DNER: variants seen among roughly 807,000 people sequenced by gnomAD.
DNER encodes delta and Notch-like epidermal growth factor-related receptor.
Under a neutral mutation model 78.2 loss-of-function variants are expected in DNER, and 33 were observed. The ratio of observed to expected loss-of-function variants is 0.42; its 90% CI spans 0.32 to 0.56. The LOEUF (loss-of-function observed/expected upper bound fraction) is 0.56. Ranked by LOEUF, DNER falls within the 20% of genes least tolerant of loss-of-function variation. The pLI is 0.11. For synonymous variants in DNER, 417 were observed against 384.8 expected (o/e 1.08, Z -0.98); for missense variants, 918 against 975.3 (o/e 0.94, Z 0.78).
chr2:229,622,080 C>T (rs549753136), intron 1 of DNER, among the ~76,000 whole-genome samples: 1 of 152,102 alleles, frequency 6.6e-6, no homozygotes, highest in South Asian at 2.1e-4. Flanking sequence ...AGCGAGACTC[C>T]GTCTCAAAAA....
At chr2:229,666,302 G>A (rs796642496) in intron 1 of DNER, among the ~76,000 whole-genome samples, 4 of 152,198 alleles carry the variant, frequency 2.6e-5, no homozygotes, top group African/African-American at 9.6e-5. Context: ...CAAATCATTG[G>A]CATCTCTCCC....
chr2:229,694,456 A>C (rs1209018953), intron 1 of DNER, among the ~76,000 whole-genome samples: 1 of 42,634 alleles, frequency 2.3e-5, no homozygotes, highest in African/African-American at 6.5e-5. Flanking sequence ...ACAGAGACTC[A>C]ATGACTTCCG....
intron 10 of DNER, among the ~76,000 whole-genome samples, chr2:229,398,074 C>A (rs1213812147): frequency 1.3e-5 from 2 of 151,506 alleles, no homozygotes; most frequent in Non-Finnish European, 2.9e-5. Context: ...AAAATGAATG[C>A]AACAAAAAGC....
At chr2:229,696,204 T>C (rs762770686) in intron 1 of DNER, among the ~76,000 whole-genome samples, 5 of 152,202 alleles carry the variant, frequency 3.3e-5, no homozygotes, top group Non-Finnish European at 7.3e-5. Flanking sequence ...TTCTCATTTA[T>C]ACTGAGCTCA....
chr2:229,536,685 C>T (rs531369765), intron 5 of DNER, among the ~76,000 whole-genome samples: 1 of 152,258 alleles, frequency 6.6e-6, no homozygotes, highest in Admixed American at 6.5e-5. Context: ...CAGCCAGAGG[C>T]CTATTTCTAT....
At position 229,591,567 on chromosome 2, in the gene DNER, A is replaced by G; in HGVS notation, c.585+13T>C. On this transcript the variant is annotated intron_variant, in intron 2 of 12. Transcript: ENST00000341772. The surrounding 1 kb of genome is among the most constrained non-coding windows in gnomAD (Gnocchi z 4.6). ...TTTCTAATGTAAAAATGCACATGATATAACGTTCTCACCTCCACTTGATCC... is the reference window on the plus strand; with the variant it reads ...TTTCTAATGTAAAAATGCACATGATGTAACGTTCTCACCTCCACTTGATCC... The G allele has an allele frequency of 6.2e-7, 1 of 1,610,072 alleles. No homozygotes were observed. Among genetic ancestry groups the G allele is most frequent in the Non-Finnish European group, 8.5e-7 (1 of 1,177,686 alleles).
chr2:229,440,661 C>T (rs1400307946), intron 8 of DNER, among the ~76,000 whole-genome samples: 2 of 152,232 alleles, frequency 1.3e-5, no homozygotes. Context: ...CACATTCCAG[C>T]CCCAAGTAAG....
At chr2:229,603,000 A>C (rs572219422) in intron 1 of DNER, among the ~76,000 whole-genome samples, 277 of 152,368 alleles carry the variant, frequency 1.8e-3, no homozygotes, top group Non-Finnish European at 3.3e-3. Flanking sequence ...TTAGGATAGC[A>C]TGACACTGGC....
At chr2:229,702,705 C>T (rs1020420482) in intron 1 of DNER, among the ~76,000 whole-genome samples, 2 of 151,964 alleles carry the variant, frequency 1.3e-5, no homozygotes, top group African/African-American at 4.8e-5. Flanking sequence ...ATCACGAGGT[C>T]AGGAGATCGA....
At chr2:229,622,523 G>C (rs13389510) in intron 1 of DNER, among the ~76,000 whole-genome samples, 22,187 of 152,194 alleles carry the variant, frequency 0.15, 1,812 homozygotes, top group Middle Eastern at 0.18. Context: ...GTCAGCACGG[G>C]AATGCAGAGT....
At position 229,714,133 on chromosome 2, in the gene DNER, G is replaced by T; in HGVS notation, c.276+15C>A. Reference sequence around the variant, plus strand: ...CGGACCAGCGCCCCGCACCGCGCCCGCCGCTTCCACTCACCTGGCAGTTGG... The same window carrying T: ...CGGACCAGCGCCCCGCACCGCGCCCTCCGCTTCCACTCACCTGGCAGTTGG... On this transcript the variant is annotated intron_variant, in intron 1 of 12. Coordinates refer to ENST00000341772, the MANE Select transcript of DNER (RefSeq NM_139072.4). The T allele has an allele frequency of 7.7e-7, 1 of 1,293,664 alleles. No homozygotes were observed. Among genetic ancestry groups the T allele is most frequent in the Admixed American group, 4.2e-5 (1 of 23,880 alleles). 80.1% of individuals were successfully genotyped at this position (1,293,664 alleles called of 1,614,324 possible).
intron 8 of DNER, among the ~76,000 whole-genome samples, chr2:229,428,646 T>C (rs1192175809): frequency 1.3e-5 from 2 of 149,758 alleles, no homozygotes; most frequent in Non-Finnish European, 3.0e-5. Flanking sequence ...ATTGACAGGT[T>C]CTCCCAGAAA....
At chr2:229,477,299 C>A (rs1160718135) in intron 6 of DNER, 46 bp from the exon 7 acceptor site, 10 of 1,457,022 alleles carry the variant, frequency 6.9e-6, no homozygotes, top group Non-Finnish European at 9.5e-6. Context: ...CTCTTCCAGA[C>A]CCACCATGAG....
intron 6 of DNER, among the ~76,000 whole-genome samples, chr2:229,478,968 A>G (rs1574861419): frequency 6.6e-6 from 1 of 151,226 alleles, no homozygotes; most frequent in Non-Finnish European, 1.5e-5. Flanking sequence ...CCTTCCCCAA[A>G]CCCCCACTCC....
chr2:229,360,102 G>A (rs760661541), intron 12 of DNER, among the ~76,000 whole-genome samples: 16 of 152,224 alleles, frequency 1.1e-4, no homozygotes, highest in Non-Finnish European at 2.4e-4. Flanking sequence ...TAGGAAAAGT[G>A]TCAACAGAGT....
chr2:229,577,496 G>C (rs1968184), intron 4 of DNER, among the ~76,000 whole-genome samples: 1 of 152,002 alleles, frequency 6.6e-6, no homozygotes, highest in Non-Finnish European at 1.5e-5. Flanking sequence ...TTAGCTGGGC[G>C]TGGTGGTGGG....
chr2:229,681,788 T>C (rs1165159986), intron 1 of DNER, among the ~76,000 whole-genome samples: 1 of 150,322 alleles, frequency 6.7e-6, no homozygotes, highest in African/African-American at 2.5e-5. Context: ...TTCAGTGGAG[T>C]TCATTTAATA....
At chr2:229,462,777 C>A (rs953246781) in intron 7 of DNER, among the ~76,000 whole-genome samples, 1 of 152,068 alleles carries the variant, frequency 6.6e-6, no homozygotes, top group East Asian at 1.9e-4. Context: ...GGGCTCTAAG[C>A]GCAGCTCACC....
intron 1 of DNER, among the ~76,000 whole-genome samples, chr2:229,617,082 T>C (rs1157197889): frequency 2.0e-5 from 3 of 152,230 alleles, no homozygotes; most frequent in Non-Finnish European, 4.4e-5. Context: ...ATTCAATAAA[T>C]AGGAAATCAT....
Sources: allele counts gnomAD v4.1 joint callset (sites outside exome capture counted in the v4.1 genomes callset), GRCh38; gene constraint gnomAD v4.1.1; non-coding constraint Gnocchi (gnomAD v3.1); transcripts MANE v1.5; gene names NCBI Gene and HGNC (gene_info 2026-07-23, HGNC 2026-07-21).